Variants in MTMR3 observed in about 807,000 individuals in gnomAD.
The protein encoded by MTMR3 is phosphatidylinositol-3,5-bisphosphate 3-phosphatase MTMR3.
A neutral mutation model predicts 132.4 loss-of-function variants in MTMR3; 32 were observed. The observed-to-expected ratio is 0.24, with a 90% confidence interval of 0.18 to 0.32. The LOEUF (loss-of-function observed/expected upper bound fraction) is 0.32, where lower values mean the gene tolerates loss of function less well. Ranked by LOEUF, MTMR3 falls within the 10% of genes least tolerant of loss-of-function variation. MTMR3 has a pLI of 1.00. For missense variants in MTMR3, 1,216 were observed against 1,489.6 expected, an observed-to-expected ratio of 0.82 and a Z score of 3.02; for synonymous variants, 556 against 550.3, an observed-to-expected ratio of 1.01 and a Z score of -0.14.
chr22:29,910,986 G>T lies in MTMR3; in HGVS notation c.-138+27627G>T, dbSNP rs553639128. ...TAAATCATATTTTTTGAACATTAGG[G>T]ATCTGCGTCCAACACTTAATTATAC... On this transcript the variant is annotated intron_variant, in intron 1 of 19. Coordinates refer to ENST00000401950, the MANE Select transcript of MTMR3 (RefSeq NM_021090.4). Among the ~76,000 whole-genome samples the T allele has an allele frequency of 3.9e-5, 6 of 152,228 alleles. No homozygotes were observed. The South Asian group carries it at 1.2e-3, about 32-fold the overall frequency.
Position 30,020,874 on chromosome 22 carries a change from G to A in MTMR3, c.3215G>A (p.Gly1072Glu). ...TSSLHFNGDF[G>E]DEVTSIPDSE... Reference sequence around the variant, plus strand: ...TCCCTACACTTTAATGGAGACTTTGGGGATGAGGTGGTGAGTAGGCTGTGG... The same window carrying A: ...TCCCTACACTTTAATGGAGACTTTGAGGATGAGGTGGTGAGTAGGCTGTGG... The change falls in exon 17 of 20, where the codon GGG (glycine) becomes GAG (glutamate). Residue 1072 changes from glycine to glutamate, a missense_variant. By Grantham distance (98) the Gly-to-Glu change is moderately conservative (BLOSUM62 -2). Around this residue, in one of 7 missense-constraint regions of MTMR3, gnomAD observed 852 missense variants for 852.0 expected, o/e 1.00. Coordinates refer to ENST00000401950, the MANE Select transcript of MTMR3 (RefSeq NM_021090.4). 6.3e-7 allele frequency: 1 copy of A among 1,586,950 alleles called. No individual in the cohort carries two copies. Among genetic ancestry groups the A allele is most frequent in the Non-Finnish European group, 8.6e-7 (1 of 1,165,194 alleles).
chr22:29,930,327 G>A (rs961402435), intron 1 of MTMR3, among the ~76,000 whole-genome samples: 1 of 152,126 alleles, frequency 6.6e-6, no homozygotes, highest in Non-Finnish European at 1.5e-5. Flanking sequence ...CTATAGGTTA[G>A]TTTTGCCTCT....
rs374435521 is a variant in MTMR3 at position 30,020,869 on chromosome 22, C to G, written c.3210C>G (p.Asp1070Glu). Residue 1070 changes from aspartate to glutamate, a missense_variant, in exon 17 of 20, where the codon GAC becomes GAG. By Grantham distance (45) the Asp-to-Glu change is conservative. Around this residue, in one of 7 missense-constraint regions of MTMR3, gnomAD observed 852 missense variants for 852.0 expected, o/e 1.00. Coordinates refer to ENST00000401950, the MANE Select transcript of MTMR3 (RefSeq NM_021090.4). ...CCAGCTCCCTACACTTTAATGGAGA[C>G]TTTGGGGATGAGGTGGTGAGTAGGC... is the stretch of plus-strand genomic sequence containing the variant. Reference protein sequence around the residue: ...YLTSSLHFNGDFGDEVTSIPD... With the variant: ...YLTSSLHFNGEFGDEVTSIPD... 8.5e-5 allele frequency: 135 copies of G among 1,592,328 alleles called. No homozygotes were observed. Among genetic ancestry groups the G allele is most frequent in the Non-Finnish European group, 1.1e-4 (133 of 1,168,166 alleles).
chr22:29,902,326 T>G (rs1464988493), intron 1 of MTMR3, among the ~76,000 whole-genome samples: 1 of 152,158 alleles, frequency 6.6e-6, no homozygotes, highest in East Asian at 1.9e-4. Flanking sequence ...TATTTTATGT[T>G]TTTAGTAGCT....
chr22:29,973,464 A>C (rs924084020), intron 3 of MTMR3, among the ~76,000 whole-genome samples: 2 of 152,246 alleles, frequency 1.3e-5, no homozygotes, highest in African/African-American at 2.4e-5. Flanking sequence ...TTGTCTTCTA[A>C]TACCAGTCTT....
At chr22:29,955,085 G>C (rs1008067130) in intron 1 of MTMR3, among the ~76,000 whole-genome samples, 4 of 152,130 alleles carry the variant, frequency 2.6e-5, no homozygotes, top group African/African-American at 4.8e-5. Context: ...GACCTCCCGG[G>C]CCCAAGCCAT....
chr22:29,998,980 T>A, intron 8 of MTMR3, 123 bp downstream of exon 8: 1 of 587,214 alleles, frequency 1.7e-6, no homozygotes, highest in Non-Finnish European at 2.9e-6. Context: ...TTATTAAATC[T>A]AAAGGCATGA....
At chr22:29,890,844 C>T (rs772700138) in intron 1 of MTMR3, among the ~76,000 whole-genome samples, 1 of 152,048 alleles carries the variant, frequency 6.6e-6, no homozygotes, top group Non-Finnish European at 1.5e-5. Flanking sequence ...TTGCTTACCC[C>T]ATCACTAAAA....
chr22:29,902,632 G>T (rs2065023542), intron 1 of MTMR3, among the ~76,000 whole-genome samples: 2 of 152,180 alleles, frequency 1.3e-5, no homozygotes, highest in Middle Eastern at 3.4e-3. Flanking sequence ...CTCCCAAAGT[G>T]CTGGGATTAC....
chr22:29,937,648 A>G (rs1307936105), intron 1 of MTMR3, among the ~76,000 whole-genome samples: 1 of 152,182 alleles, frequency 6.6e-6, no homozygotes, highest in Non-Finnish European at 1.5e-5. Context: ...ATCACTATGT[A>G]TAATTCTTGA....
chr22:29,907,028 G>A (rs2065117167), intron 1 of MTMR3, among the ~76,000 whole-genome samples: 1 of 152,044 alleles, frequency 6.6e-6, no homozygotes, highest in African/African-American at 2.4e-5. Flanking sequence ...AGTGAGCTGA[G>A]ATTGCGCCAC....
chr22:29,979,148 G>A (rs1461941452), intron 5 of MTMR3, 96 bp downstream of exon 5: 1 of 837,892 alleles, frequency 1.2e-6, no homozygotes, highest in Non-Finnish European at 2.0e-6. Context: ...TACAGAATTG[G>A]GAGAGAAAGC....
intron 1 of MTMR3, among the ~76,000 whole-genome samples, chr22:29,907,446 C>T (rs1462853571): frequency 6.9e-6 from 1 of 144,132 alleles, no homozygotes. Context: ...TCCTCTAAAA[C>T]CCATTACTAA....
In MTMR3 at chr22:29,998,717, T is replaced by C. The variant is rs373005359; in HGVS notation, c.461-44T>C. The stretch of plus-strand genomic sequence containing the variant: ...TTTTTATTCCACCTGTTTTGCAAAA[T>C]GGTATTCATTTCTTCCTTTCTGCTG... On this transcript the variant is annotated intron_variant, in intron 7 of 19. Coordinates refer to ENST00000401950, the MANE Select transcript of MTMR3 (RefSeq NM_021090.4). 4 of 1,446,342 alleles carry C rather than the reference T, an allele frequency of 2.8e-6. No homozygotes were observed. The African/African-American group carries it at 4.3e-5, about 16-fold the overall frequency. The allele number at this position is 1,446,342 out of a possible 1,614,324, so 89.6% of individuals were successfully genotyped here.
intron 1 of MTMR3, among the ~76,000 whole-genome samples, chr22:29,923,229 TA>T (rs1270739110): frequency 2.0e-5 from 3 of 151,438 alleles, no homozygotes; most frequent in East Asian, 3.9e-4. Context: ...TTTTTTTTTT[TA>T]TTTTTATTTT....
At chr22:29,998,935 T>C in intron 8 of MTMR3, 78 bp downstream of exon 8, 1 of 875,646 alleles carries the variant, frequency 1.1e-6, no homozygotes, top group South Asian at 1.8e-5. Context: ...TGGCAGAACA[T>C]TTGAACTTAG....
chr22:29,956,865 T>C (rs1281702709), intron 1 of MTMR3, among the ~76,000 whole-genome samples, 171 bp from the exon 2 acceptor site: 1 of 152,182 alleles, frequency 6.6e-6, no homozygotes, highest in African/African-American at 2.4e-5. Context: ...TGTGCAGTTA[T>C]AAACATTCTA....
intron 1 of MTMR3, among the ~76,000 whole-genome samples, chr22:29,896,595 C>T (rs983738541): frequency 1.3e-5 from 2 of 151,996 alleles, no homozygotes; most frequent in Admixed American, 6.6e-5. Flanking sequence ...CACTGCTTCA[C>T]GACCCATTTT....
intron 1 of MTMR3, among the ~76,000 whole-genome samples, chr22:29,948,123 T>G (rs1318889200): frequency 6.6e-6 from 1 of 152,238 alleles, no homozygotes; most frequent in Non-Finnish European, 1.5e-5. Flanking sequence ...CCTCTAGTAT[T>G]TGAATTTTGT....
Sources: gnomAD v4.1 joint callset for allele counts (sites outside exome capture counted in the v4.1 genomes callset) on GRCh38, gnomAD v4.1.1 for gene constraint, gnomAD v4.1.1 regional missense constraint, MANE v1.5 for transcripts, NCBI Gene and HGNC (gene_info 2026-07-23, HGNC 2026-07-21) for gene names.